The following FOXP1 variants were observed in gnomAD, a reference collection of about 807,000 sequenced individuals.
FOXP1 encodes forkhead box protein P1.
FOXP1 carries 15 observed loss-of-function variants against 98.2 expected under a neutral mutation model. That is an observed-to-expected ratio of 0.15 (90% CI 0.10 to 0.24). The LOEUF is 0.24. Among genes scored for constraint, FOXP1 ranks in the 10% least tolerant of loss-of-function variants. FOXP1 has a pLI of 1.00. For missense variants in FOXP1, 633 were observed against 848.5 expected, an observed-to-expected ratio of 0.75 and a Z score of 3.15; for synonymous variants, 371 against 314.5, an observed-to-expected ratio of 1.18 and a Z score of -1.90.
At chr3:71,405,248 G>T (rs146787637) in intron 3 of FOXP1, among the ~76,000 whole-genome samples, 1 of 152,144 alleles carries the variant, frequency 6.6e-6, no homozygotes, top group Non-Finnish European at 1.5e-5. Context: ...TGCCATCCTC[G>T]CCTATGGAAA....
intron 3 of FOXP1, among the ~76,000 whole-genome samples, chr3:71,361,501 A>T (rs2078567219): frequency 6.6e-6 from 1 of 152,210 alleles, no homozygotes; most frequent in South Asian, 2.1e-4. Flanking sequence ...AAACTAGTTA[A>T]TTTATGAGCC....
At chr3:71,434,948 C>T (rs1449665261) in intron 3 of FOXP1, among the ~76,000 whole-genome samples, 2 of 151,920 alleles carry the variant, frequency 1.3e-5, no homozygotes, top group South Asian at 4.2e-4. Context: ...CCGTCACCTC[C>T]GTCTCTCTCG....
chr3:71,228,046 C>G (rs2065980844), intron 5 of FOXP1, among the ~76,000 whole-genome samples: 2 of 151,888 alleles, frequency 1.3e-5, no homozygotes, highest in Non-Finnish European at 1.5e-5. Context: ...TGTCCAGAAA[C>G]CTCTTTGCAG....
chr3:71,462,301 C>T (rs2088215879), intron 3 of FOXP1, among the ~76,000 whole-genome samples: 1 of 152,122 alleles, frequency 6.6e-6, no homozygotes, highest in African/African-American at 2.4e-5. Context: ...ATGTGTAAAC[C>T]TATTCGAGTC....
intron 11 of FOXP1, among the ~76,000 whole-genome samples, chr3:71,022,622 C>A (rs2045594249): frequency 1.3e-5 from 2 of 152,168 alleles, no homozygotes; most frequent in African/African-American, 4.8e-5. Flanking sequence ...AGGGCCAGCA[C>A]TATTTCCCTA....
chr3:71,363,007 T>C (rs1009482198), intron 3 of FOXP1, among the ~76,000 whole-genome samples: 3 of 152,202 alleles, frequency 2.0e-5, no homozygotes, highest in Admixed American at 6.5e-5. Context: ...CTAAACCTTG[T>C]AATCAAGTTC....
intron 6 of FOXP1, among the ~76,000 whole-genome samples, chr3:71,182,170 T>C (rs1166751388): frequency 6.6e-6 from 1 of 152,188 alleles, no homozygotes; most frequent in East Asian, 1.9e-4. Context: ...TCAAATTTGA[T>C]GGTGGAAGCA....
intron 4 of FOXP1, chr3:71,334,659 C>G (rs2107743840): frequency 6.6e-6 from 1 of 151,998 alleles, no homozygotes; most frequent in Non-Finnish European, 1.5e-5. Flanking sequence ...TTAAGATATG[C>G]AAAGAAAAAA....
chr3:71,481,261 G>T (rs764979412), intron 3 of FOXP1, among the ~76,000 whole-genome samples: 1 of 152,152 alleles, frequency 6.6e-6, no homozygotes, highest in East Asian at 1.9e-4. Flanking sequence ...TCACCTATGA[G>T]TTAGGTACTA....
chr3:71,169,083 T>G (rs1044978067), intron 6 of FOXP1, among the ~76,000 whole-genome samples: 1 of 152,314 alleles, frequency 6.6e-6, no homozygotes, highest in East Asian at 1.9e-4. Context: ...ATCCTGGAAG[T>G]TACTGGATCA....
At chr3:71,436,820 T>G (rs2085408268) in intron 3 of FOXP1, among the ~76,000 whole-genome samples, 1 of 152,202 alleles carries the variant, frequency 6.6e-6, no homozygotes, top group Non-Finnish European at 1.5e-5. Flanking sequence ...GCAAAATGTC[T>G]GCTATAATAA....
At chr3:71,423,760 T>C (rs1441235238) in intron 3 of FOXP1, among the ~76,000 whole-genome samples, 8 of 152,204 alleles carry the variant, frequency 5.3e-5, no homozygotes, top group Non-Finnish European at 2.9e-5. Flanking sequence ...TCAGCAACCC[T>C]GGCAGGGAAG....
chr3:71,008,889 CTG>C (rs1475033090), intron 12 of FOXP1, among the ~76,000 whole-genome samples: 1 of 151,886 alleles, frequency 6.6e-6, no homozygotes, highest in Non-Finnish European at 1.5e-5. Context: ...AGTTTTAGAC[CTG>C]TGAGTCCCCC....
At chr3:71,280,721 C>G (rs4613421) in intron 5 of FOXP1, among the ~76,000 whole-genome samples, 46,285 of 151,680 alleles carry the variant, frequency 0.31, 7,215 homozygotes, top group Middle Eastern at 0.36. Flanking sequence ...TATTGGACGG[C>G]CCAGGTCTAT....
At chr3:71,496,492 TAGC>T (rs1486198209) in intron 2 of FOXP1, among the ~76,000 whole-genome samples, 2 of 151,916 alleles carry the variant, frequency 1.3e-5, no homozygotes, top group East Asian at 1.9e-4. Context: ...CTGGAGTGAG[TAGC>T]AGCTTTCTAG....
At chr3:71,240,000 A>C (rs1449428013) in intron 5 of FOXP1, among the ~76,000 whole-genome samples, 1 of 152,268 alleles carries the variant, frequency 6.6e-6, no homozygotes, top group Non-Finnish European at 1.5e-5. Context: ...ACTAGGAAGA[A>C]CTTTGGGTCA....
At chr3:71,519,618 T>G (rs1006517730) in intron 2 of FOXP1, among the ~76,000 whole-genome samples, 4 of 152,234 alleles carry the variant, frequency 2.6e-5, no homozygotes, top group Non-Finnish European at 5.9e-5. Context: ...TATATTTACC[T>G]AAGTTGGGGT....
intron 6 of FOXP1, among the ~76,000 whole-genome samples, chr3:71,190,475 A>G (rs1576300764): frequency 1.4e-5 from 1 of 71,818 alleles, no homozygotes; most frequent in Non-Finnish European, 2.3e-5. Context: ...AAACAACAAC[A>G]AAAAAAAAAC....
rs186359630 is a variant in FOXP1, at chr3:71,302,553, T to A, written c.-72-2673A>T. The stretch of plus-strand genomic sequence containing the variant: ...AAAAGATAAAGATAAAAGAAATACA[T>A]TCCCCTCCAGCCCACTTGTCTTCTT... On this transcript the variant is annotated intron_variant, in intron 4 of 20. Coordinates refer to ENST00000649528, the MANE Select transcript of FOXP1 (RefSeq NM_001349338.3). Among the ~76,000 whole-genome samples, 116 of 151,178 alleles carry A rather than the reference T, an allele frequency of 7.7e-4. 1 individual carries two copies. Among genetic ancestry groups the A allele is most frequent in the South Asian group, 6.3e-3 (30 of 4,784 alleles).
Sources: gnomAD v4.1 joint callset for allele counts (sites outside exome capture counted in the v4.1 genomes callset) on GRCh38, gnomAD v4.1.1 for gene constraint, MANE v1.5 for transcripts, NCBI Gene and HGNC (gene_info 2026-07-23, HGNC 2026-07-21) for gene names.